Variants in SNX13 observed in about 807,000 individuals in gnomAD.
SNX13 encodes the protein sorting nexin-13.
Under a neutral mutation model 133.6 loss-of-function variants are expected in SNX13, and 45 were observed. The ratio of observed to expected loss-of-function variants is 0.34; its 90% CI spans 0.27 to 0.43. SNX13 has a LOEUF of 0.43. Ranked by LOEUF, SNX13 falls within the 20% of genes least tolerant of loss-of-function variation. SNX13 has a pLI of 1.00. For missense variants in SNX13, 1,032 were observed against 1,145.1 expected (o/e 0.90, Z 1.43); for synonymous variants, 414 against 373.9 (o/e 1.11, Z -1.24).
chr7:17,875,990 T>C (rs1044020417), intron 5 of SNX13, among the ~76,000 whole-genome samples, 200 bp from the exon 6 acceptor site: 4 of 152,210 alleles, frequency 2.6e-5, no homozygotes, highest in Non-Finnish European at 4.4e-5. Flanking sequence ...CTTCTAACAA[T>C]ATTACTTGAA....
At chr7:17,830,714 G>C (rs990212975) in intron 15 of SNX13, 10 of 975,928 alleles carry the variant, frequency 1.0e-5, no homozygotes, top group Non-Finnish European at 1.2e-5. Flanking sequence ...TTCCCTTAGA[G>C]TTCTATTATA....
chr7:17,810,273 A>C (rs1189528561), intron 20 of SNX13, among the ~76,000 whole-genome samples: 1 of 152,190 alleles, frequency 6.6e-6, no homozygotes, highest in Non-Finnish European at 1.5e-5. Context: ...ACAATAAAAA[A>C]TGATAAAGGG....
chr7:17,796,522 C>T, intron 25 of SNX13: 1 of 237,944 alleles, frequency 4.2e-6, no homozygotes, highest in East Asian at 7.9e-5. Flanking sequence ...TTTCACATCA[C>T]TTAAAGCCAA....
At chr7:17,871,199 G>A (rs913769026) in intron 8 of SNX13, among the ~76,000 whole-genome samples, 4 of 152,042 alleles carry the variant, frequency 2.6e-5, no homozygotes, top group African/African-American at 4.8e-5. Context: ...TAGAGACGGC[G>A]TTTCACCGTG....
Position 17,792,886 on chromosome 7 carries a change from T to C in SNX13, c.*1159A>G, listed in dbSNP as rs1294133120. The C allele has an allele frequency of 6.6e-6, 1 of 152,312 alleles. No individual in the cohort carries two copies. Among genetic ancestry groups the C allele is most frequent in the Non-Finnish European group, 1.5e-5 (1 of 67,830 alleles). 9.4% of individuals were successfully genotyped at this position (152,312 alleles called of 1,614,324 possible). ...ATTGATATAAAATTAATTTATGGGT[T>C]TAAAGGTATACACTGAGGGGTCTTG... is the stretch of plus-strand genomic sequence containing the variant. On this transcript the variant is annotated 3_prime_UTR_variant, in exon 26 of 26. Coordinates refer to ENST00000428135, the MANE Select transcript of SNX13 (RefSeq NM_015132.5).
intron 1 of SNX13, among the ~76,000 whole-genome samples, chr7:17,921,466 C>G (rs1314908988): frequency 6.6e-6 from 1 of 152,194 alleles, no homozygotes; most frequent in Non-Finnish European, 1.5e-5. Flanking sequence ...ATATCCCCGA[C>G]AACTTCACTA....
chr7:17,893,059 A>G (rs1796807679), intron 3 of SNX13, among the ~76,000 whole-genome samples: 1 of 152,222 alleles, frequency 6.6e-6, no homozygotes, highest in Non-Finnish European at 1.5e-5. Flanking sequence ...AAATACTATG[A>G]TAAGACAGCA....
intron 15 of SNX13, among the ~76,000 whole-genome samples, chr7:17,833,675 T>C (rs1788787426): frequency 6.6e-6 from 1 of 151,706 alleles, no homozygotes; most frequent in Non-Finnish European, 1.5e-5. Context: ...TAATGCTTTA[T>C]AGTTTATGAT....
At chr7:17,914,544 T>C (rs1799338893) in intron 1 of SNX13, among the ~76,000 whole-genome samples, 1 of 152,164 alleles carries the variant, frequency 6.6e-6, no homozygotes, top group African/African-American at 2.4e-5. Flanking sequence ...GCAGAAATTT[T>C]ACAAGCCAGA....
chr7:17,851,993 T>C (rs932404440), intron 9 of SNX13, among the ~76,000 whole-genome samples: 3 of 152,060 alleles, frequency 2.0e-5, no homozygotes, highest in Non-Finnish European at 4.4e-5. Context: ...AAGATTTACT[T>C]ACACAGCAAA....
At chr7:17,854,237 T>TA (rs1297231250) in intron 9 of SNX13, among the ~76,000 whole-genome samples, 1 of 152,194 alleles carries the variant, frequency 6.6e-6, no homozygotes, top group Admixed American at 6.5e-5. Flanking sequence ...GGGGGCTAAT[T>TA]AAAATTATGC....
chr7:17,807,815 C>CGGGCAAACAGGGTCTGGAGT (rs1583312263), intron 20 of SNX13, among the ~76,000 whole-genome samples: 1 of 142,380 alleles, frequency 7.0e-6, no homozygotes, highest in Non-Finnish European at 1.5e-5. Flanking sequence ...TGGTGATACT[C>CGGGCAAACAGGGTCTGGAGT]GGGCAAACAG....
At chr7:17,825,606 T>G (rs1387412647) in intron 17 of SNX13, among the ~76,000 whole-genome samples, 2 of 152,210 alleles carry the variant, frequency 1.3e-5, no homozygotes, top group Admixed American at 6.5e-5. Context: ...CTTGAAGTTC[T>G]GCAAACCCCT....
chr7:17,828,748 G>A (rs940427176), intron 16 of SNX13, among the ~76,000 whole-genome samples: 2 of 151,384 alleles, frequency 1.3e-5, no homozygotes, highest in African/African-American at 2.4e-5. Context: ...ATATTACCAT[G>A]TGACAAAAGA....
At chr7:17,927,397 C>T (rs1258014214) in intron 1 of SNX13, among the ~76,000 whole-genome samples, 1 of 151,916 alleles carries the variant, frequency 6.6e-6, no homozygotes, top group Non-Finnish European at 1.5e-5. Flanking sequence ...CACACACCAC[C>T]ATGCCTGGCT....
At chr7:17,800,991 G>T (rs1241250505) in intron 22 of SNX13, among the ~76,000 whole-genome samples, 1 of 82,834 alleles carries the variant, frequency 1.2e-5, no homozygotes, top group Non-Finnish European at 2.5e-5. Context: ...GTACTTGGCA[G>T]TATCTACTAA....
intron 15 of SNX13, 57 bp downstream of exon 15, chr7:17,833,995 A>C (rs1186812700): frequency 2.4e-6 from 3 of 1,263,706 alleles, no homozygotes; most frequent in African/African-American, 1.5e-5. Context: ...CTCTTTTGGT[A>C]AGCAGAATAT....
intron 1 of SNX13, among the ~76,000 whole-genome samples, chr7:17,903,950 T>A (rs1351605353): frequency 6.6e-6 from 1 of 152,176 alleles, no homozygotes; most frequent in Admixed American, 6.5e-5. Context: ...GTCTACTTAC[T>A]AGTATGCTTA....
intron 21 of SNX13, 98 bp from the exon 22 acceptor site, chr7:17,801,757 T>C: frequency 1.1e-6 from 1 of 872,560 alleles, no homozygotes; most frequent in South Asian, 1.9e-5. Context: ...GCATTTGATC[T>C]GACTTTTGGT....
Sources: gnomAD v4.1 joint callset for allele counts (sites outside exome capture counted in the v4.1 genomes callset) on GRCh38, gnomAD v4.1.1 for gene constraint, MANE v1.5 for transcripts, NCBI Gene and HGNC (gene_info 2026-07-23, HGNC 2026-07-21) for gene names.